The following TRNP1 variants were observed in gnomAD, a reference collection of about 807,000 sequenced individuals.
TRNP1 encodes the protein TMF1 regulated nuclear protein 1.
TRNP1 carries 16 observed loss-of-function variants against 12.2 expected under a neutral mutation model. The ratio of observed to expected loss-of-function variants is 1.31; its 90% CI spans 0.89 to 1.99. TRNP1 has a LOEUF of 1.99. Among genes scored for constraint, TRNP1 ranks in the 30% most tolerant of loss-of-function variants. The probability of loss-of-function intolerance (pLI) is 0.00; values close to 1 mark genes in which losing one functional copy is unlikely to be tolerated. For missense variants in TRNP1, 338 were observed against 330.4 expected, an observed-to-expected ratio of 1.02 and a Z score of -0.18; for synonymous variants, 139 against 166.2, an observed-to-expected ratio of 0.84 and a Z score of 1.26.
At position 26,994,345 on chromosome 1, in the gene TRNP1, T is replaced by G; in HGVS notation, c.559T>G (p.Ser187Ala). ...CGGCCGACCCCCCGCGCTGCTGGCCTCGGCGCTGGGCCTGGGCGGCTGCGT... is the reference window on the plus strand; with the variant it reads ...CGGCCGACCCCCCGCGCTGCTGGCCGCGGCGCTGGGCCTGGGCGGCTGCGT... ...RRGRPPALLA[S>A]ALGLGGCVPW... The change falls in exon 1 of 2, where the codon TCG (serine) becomes GCG (alanine). Residue 187 changes from serine (S) to alanine (A), a missense_variant. By Grantham distance (99) the Ser-to-Ala change is moderately conservative. Transcript: ENST00000522111. The surrounding 1 kb of genome is among the most constrained non-coding windows in gnomAD (Gnocchi z 6.9). 1 of 1,086,168 alleles carries G rather than the reference T, an allele frequency of 9.2e-7. No homozygotes were observed. The highest frequency in any genetic ancestry group is 1.1e-6 in the Non-Finnish European group (1 of 896,538). The allele number at this position is 1,086,168 out of a possible 1,614,324, so 67.3% of individuals were successfully genotyped here. A position where few individuals can be genotyped will look rare whatever the true frequency, so the allele number is the denominator to read the frequency against.
intron 1 of TRNP1, among the ~76,000 whole-genome samples, chr1:26,998,616 A>G (rs374392333): frequency 1.3e-5 from 2 of 152,034 alleles, no homozygotes; most frequent in African/African-American, 2.4e-5. Context: ...GAGATCCCCA[A>G]CCTACTTCTT....
Position 26,994,538 on chromosome 1 carries a change from G to A in TRNP1, c.*68G>A, listed in dbSNP as rs2082535728. ...AGGTGCCGACCGACCGACTGATCGCGGACGCCGGCTGGAAGGACTACGGAT... is the reference window on the plus strand; with the variant it reads ...AGGTGCCGACCGACCGACTGATCGCAGACGCCGGCTGGAAGGACTACGGAT... On this transcript the variant is annotated 3_prime_UTR_variant, in exon 1 of 2. Coordinates refer to ENST00000522111, the MANE Select transcript of TRNP1 (RefSeq NM_001013642.3). The surrounding 1 kb of genome is among the most constrained non-coding windows in gnomAD (Gnocchi z 6.9). The A allele has an allele frequency of 9.3e-7, 1 of 1,069,758 alleles. No individual in the cohort carries two copies. The highest frequency in any genetic ancestry group is 1.1e-6 in the Non-Finnish European group (1 of 877,036). The allele number at this position is 1,069,758 out of a possible 1,614,324, so 66.3% of individuals were successfully genotyped here. A position where few individuals can be genotyped will look rare whatever the true frequency, so the allele number is the denominator to read the frequency against.
In TRNP1 at chr1:26,994,964, C is replaced by T. The variant is rs1321249048; in HGVS notation, c.*142+352C>T. On this transcript the variant is annotated intron_variant, in intron 1 of 1. Transcript: ENST00000522111. The surrounding 1 kb of genome is among the most constrained non-coding windows in gnomAD (Gnocchi z 6.9). ...GTGAGCAGTCTTGCCCTTGAGGATG[C>T]TGCTTCCTGGCGCCGCCCAGCTCCG... 6.6e-6 allele frequency among the ~76,000 whole-genome samples: 1 copy of T among 152,198 alleles called. No homozygotes were observed. The highest frequency in any genetic ancestry group is 1.5e-5 in the Non-Finnish European group (1 of 68,032).
intron 1 of TRNP1, among the ~76,000 whole-genome samples, chr1:26,997,908 C>T (rs889314302): frequency 9.9e-5 from 15 of 152,098 alleles, no homozygotes; most frequent in African/African-American, 3.1e-4. Context: ...TCCCTTTGCC[C>T]GGTAGTCCCC....
Position 26,994,679 on chromosome 1 carries a change from G to C in TRNP1, c.*142+67G>C. 1 of 233,150 alleles carries C rather than the reference G, an allele frequency of 4.3e-6. No individual in the cohort carries two copies. Among genetic ancestry groups the C allele is most frequent in the African/African-American group, 2.3e-5 (1 of 43,250 alleles). The allele number at this position is 233,150 out of a possible 1,614,324, so 14.4% of individuals were successfully genotyped here. ...CGTGTGGGGGGCTGGTCCAGGGCCCGGGAACTCCCTTCCCTGGAGCTTCTG... is the reference window on the plus strand; with the variant it reads ...CGTGTGGGGGGCTGGTCCAGGGCCCCGGAACTCCCTTCCCTGGAGCTTCTG... On this transcript the variant is annotated intron_variant, in intron 1 of 1. Coordinates refer to ENST00000522111, the MANE Select transcript of TRNP1 (RefSeq NM_001013642.3). The surrounding 1 kb of genome is among the most constrained non-coding windows in gnomAD (Gnocchi z 6.9).
Position 26,997,839 on chromosome 1 carries a change from G to A in TRNP1, c.*143-2008G>A, listed in dbSNP as rs74062566. On this transcript the variant is annotated intron_variant, in intron 1 of 1. Coordinates refer to ENST00000522111, the MANE Select transcript of TRNP1 (RefSeq NM_001013642.3). ...GAGGGCAGTGTGGGGCTGCTTTCTC[G>A]AGACGAAGGGGTGTGGCCTGGAGGA... Among the ~76,000 whole-genome samples the A allele has an allele frequency of 1.7e-3, 263 of 152,252 alleles. 4 individuals carry two copies. Among genetic ancestry groups the A allele is most frequent in the African/African-American group, 6.1e-3 (255 of 41,550 alleles).
chr1:26,997,852 G>T (rs2124195232), intron 1 of TRNP1, among the ~76,000 whole-genome samples: 1 of 152,292 alleles, frequency 6.6e-6, no homozygotes, highest in South Asian at 2.1e-4. Flanking sequence ...ACGAAGGGGT[G>T]TGGCCTGGAG....
At position 26,994,190 on chromosome 1, in the gene TRNP1, T is replaced by C. The variant is rs2082533170; in HGVS notation, c.404T>C (p.Leu135Ser). The change falls in exon 1 of 2, where the codon TTG (leucine) becomes TCG (serine). Residue 135 changes from leucine (L) to serine (S), a missense_variant. Leu to Ser is a moderately radical substitution (Grantham distance 145, BLOSUM62 -2). Transcript: ENST00000522111. This position sits in a 1 kb window ranked among gnomAD's most constrained non-coding sequence, Gnocchi z 6.9. ...SRVLQLHRVF[L>S]AAELRLAHRA... Reference sequence around the variant, plus strand: ...GTGCTGCAGCTGCACCGCGTTTTCTTGGCGGCCGAGCTGCGCCTGGCGCAC... The same window carrying C: ...GTGCTGCAGCTGCACCGCGTTTTCTCGGCGGCCGAGCTGCGCCTGGCGCAC... 4 of 1,295,994 alleles carry C rather than the reference T, an allele frequency of 3.1e-6. No individual in the cohort carries two copies. The highest frequency in any genetic ancestry group is 3.9e-6 in the Non-Finnish European group (4 of 1,017,190). The allele number at this position is 1,295,994 out of a possible 1,614,324, so 80.3% of individuals were successfully genotyped here. A position where few individuals can be genotyped will look rare whatever the true frequency, so the allele number is the denominator to read the frequency against.
At position 26,993,708 on chromosome 1, in the gene TRNP1, C is replaced by G. The variant is rs1375043511; in HGVS notation, c.-79C>G. ...CGCGCCTCTGGGGTGGGGGCTGTGG[C>G]CGTGTCTAGCTGTTCGGGTGTGCTG... On this transcript the variant is annotated 5_prime_UTR_variant, in exon 1 of 2. Coordinates refer to ENST00000522111, the MANE Select transcript of TRNP1 (RefSeq NM_001013642.3). 1.6e-6 allele frequency: 2 copies of G among 1,224,462 alleles called. No homozygotes were observed. The highest frequency in any genetic ancestry group is 2.0e-6 in the Non-Finnish European group (2 of 983,458). The allele number at this position is 1,224,462 out of a possible 1,614,324, so 75.8% of individuals were successfully genotyped here.
chr1:26,994,195 G>A lies in TRNP1; in HGVS notation c.409G>A (p.Ala137Thr). 2 of 1,292,162 alleles carry A rather than the reference G, an allele frequency of 1.5e-6. No individual in the cohort carries two copies. The highest frequency in any genetic ancestry group is 2.1e-5 in the South Asian group (1 of 48,106). The allele number at this position is 1,292,162 out of a possible 1,614,324, so 80.0% of individuals were successfully genotyped here. A position where few individuals can be genotyped will look rare whatever the true frequency, so the allele number is the denominator to read the frequency against. The change falls in exon 1 of 2, where the codon GCC becomes ACC. Residue 137 changes from alanine to threonine, a missense_variant. Transcript: ENST00000522111. The surrounding 1 kb of genome is among the most constrained non-coding windows in gnomAD (Gnocchi z 6.9). ...VLQLHRVFLAAELRLAHRAES... is the reference protein window; with the variant it reads ...VLQLHRVFLATELRLAHRAES... ...GCAGCTGCACCGCGTTTTCTTGGCG[G>A]CCGAGCTGCGCCTGGCGCACCGCGC... is the stretch of plus-strand genomic sequence containing the variant.
intron 1 of TRNP1, among the ~76,000 whole-genome samples, chr1:26,995,733 C>G (rs1195560558): frequency 6.6e-6 from 1 of 152,182 alleles, no homozygotes; most frequent in Non-Finnish European, 1.5e-5. Context: ...CGGATTCAAG[C>G]GATTCTCCTG....
intron 1 of TRNP1, among the ~76,000 whole-genome samples, chr1:26,999,377 T>A (rs956438822): frequency 5.3e-5 from 8 of 152,114 alleles, no homozygotes; most frequent in Non-Finnish European, 8.8e-5. Flanking sequence ...AGAGCAAAAC[T>A]TCGTCTCAAA....
intron 1 of TRNP1, among the ~76,000 whole-genome samples, chr1:26,997,734 G>A (rs2082552241): frequency 6.6e-6 from 1 of 152,170 alleles, no homozygotes; most frequent in African/African-American, 2.4e-5. Context: ...TCAGGCTGGT[G>A]CTTGGGGCTG....
rs2082532283 is a variant in TRNP1 at position 26,994,079 on chromosome 1, G to A, written c.293G>A (p.Gly98Asp). 6 of 1,217,098 alleles carry A rather than the reference G, an allele frequency of 4.9e-6. No homozygotes were observed. Among genetic ancestry groups the A allele is most frequent in the East Asian group, 3.4e-5 (1 of 29,726 alleles). 75.4% of individuals were successfully genotyped at this position (1,217,098 alleles called of 1,614,324 possible). The change falls in exon 1 of 2, where the codon GGC becomes GAC. Residue 98 changes from glycine to aspartate, a missense_variant. Transcript: ENST00000522111. This position sits in a 1 kb window ranked among gnomAD's most constrained non-coding sequence, Gnocchi z 6.9. ...TCTGGCGCGGCTGCGGGGGCGGGGGGCCGCGCGCTGGAGCTGGCCGAAGCA... is the reference window on the plus strand; with the variant it reads ...TCTGGCGCGGCTGCGGGGGCGGGGGACCGCGCGCTGGAGCTGGCCGAAGCA... ...GGSGAAAGAG[G>D]RALELAEARR...
Position 26,993,895 on chromosome 1 carries a change from C to A in TRNP1, c.109C>A (p.Pro37Thr), listed in dbSNP as rs2082530628. ...TCCCATGCCGTCCTCTCAGCCCCCG[C>A]CCCCAACTCCGACCTTGACTCCTAC... is the stretch of plus-strand genomic sequence containing the variant. ...WDPMPSSQPP[P>T]PTPTLTPTPT... Residue 37 changes from proline to threonine, a missense_variant, in exon 1 of 2, where the codon CCC becomes ACC. Physicochemically the swap from Pro to Thr is conservative, Grantham distance 38. Transcript: ENST00000522111. 2 of 1,376,804 alleles carry A rather than the reference C, an allele frequency of 1.5e-6. No homozygotes were observed. The highest frequency in any genetic ancestry group is 1.9e-6 in the Non-Finnish European group (2 of 1,072,342). 85.3% of individuals were successfully genotyped at this position (1,376,804 alleles called of 1,614,324 possible). A position where few individuals can be genotyped will look rare whatever the true frequency, so the allele number is the denominator to read the frequency against.
At chr1:26,995,662 C>T (rs188851640) in intron 1 of TRNP1, among the ~76,000 whole-genome samples, 136 of 152,320 alleles carry the variant, frequency 8.9e-4, no homozygotes, top group African/African-American at 3.0e-3. Context: ...CAGTGTTTCG[C>T]TCTTGTTGCC....
intron 1 of TRNP1, among the ~76,000 whole-genome samples, chr1:26,997,894 A>G (rs1051605030): frequency 2.6e-5 from 4 of 152,098 alleles, no homozygotes; most frequent in African/African-American, 4.8e-5. Context: ...CCTGCCCCCA[A>G]TCATCCCTTT....
At chr1:26,999,662 G>C (rs771625109) in intron 1 of TRNP1, among the ~76,000 whole-genome samples, 185 bp from the exon 2 acceptor site, 2 of 152,136 alleles carry the variant, frequency 1.3e-5, no homozygotes, top group Non-Finnish European at 2.9e-5. Flanking sequence ...GGGGATCCCA[G>C]CCAAGGACAA....
rs560026135 is a variant in TRNP1 at position 27,000,216 on chromosome 1, G to A, written c.*512G>A. 2.0e-5 allele frequency: 3 copies of A among 152,038 alleles called. No individual in the cohort carries two copies. The highest frequency in any genetic ancestry group is 2.9e-5 in the Non-Finnish European group (2 of 68,002). The allele number at this position is 152,038 out of a possible 1,614,324, so 9.4% of individuals were successfully genotyped here. On this transcript the variant is annotated 3_prime_UTR_variant, in exon 2 of 2. Transcript: ENST00000522111. ...GCCAAGAATTTCTTTTCAAGATATC[G>A]TCATCATTCTTAAACAACATTCTTA...
Sources: allele counts gnomAD v4.1 joint callset (sites outside exome capture counted in the v4.1 genomes callset), GRCh38; gene constraint gnomAD v4.1.1; non-coding constraint Gnocchi (gnomAD v3.1); transcripts MANE v1.5; gene names NCBI Gene and HGNC (gene_info 2026-07-23, HGNC 2026-07-21).